Variants in GRSF1 observed in about 807,000 individuals in gnomAD.
GRSF1 encodes the protein G-rich RNA sequence binding factor 1, also known as G-rich sequence factor 1.
In GRSF1, 50 loss-of-function variants were observed where a neutral mutation model predicts 51.1. The ratio of observed to expected loss-of-function variants is 0.98; its 90% CI spans 0.78 to 1.24. The LOEUF (loss-of-function observed/expected upper bound fraction) is 1.24. GRSF1 is among the 50% of genes most tolerant of loss of function. The pLI, the probability that GRSF1 is intolerant of heterozygous loss-of-function variation, is 0.00. For missense variants in GRSF1, 700 were observed against 639.7 expected (o/e 1.09, Z -1.02); for synonymous variants, 293 against 253.3 (o/e 1.16, Z -1.49).
chr4:70,839,931 T>C, upstream of GRSF1: 3 of 847,938 alleles, frequency 3.5e-6, no homozygotes, highest in Non-Finnish European at 3.2e-6. Flanking sequence ...GCCTGGCACA[T>C]GCGCCGCGGG....
chr4:70,826,496 G>GA (rs200134930), intron 6 of GRSF1, among the ~76,000 whole-genome samples: 1,617 of 149,250 alleles, frequency 0.011, 26 homozygotes, highest in African/African-American at 0.038. Flanking sequence ...AAATGATTAT[G>GA]AATTAAACCC....
intron 9 of GRSF1, among the ~76,000 whole-genome samples, chr4:70,821,568 T>A (rs1733504157): frequency 7.2e-6 from 1 of 139,796 alleles, no homozygotes; most frequent in Non-Finnish European, 1.5e-5. Flanking sequence ...ATCACACCAC[T>A]GCACTCCAGC....
chr4:70,826,287 T>C lies in GRSF1; in HGVS notation c.1136-42A>G, dbSNP rs191417606. ...AAAGCACTGTTAAAACATAACAGCTTCAAGGGTTATTAACAGATTCTAATT... is the reference window on the plus strand; with the variant it reads ...AAAGCACTGTTAAAACATAACAGCTCCAAGGGTTATTAACAGATTCTAATT... On this transcript the variant is annotated intron_variant, in intron 6 of 9. Coordinates refer to ENST00000254799, the MANE Select transcript of GRSF1 (RefSeq NM_002092.4). 3,034 of 1,534,540 alleles carry C rather than the reference T, an allele frequency of 2.0e-3. 6 individuals carry two copies. Among genetic ancestry groups the C allele is most frequent in the Non-Finnish European group, 2.5e-3 (2,820 of 1,132,344 alleles).
chr4:70,831,309 C>A (rs528070965), intron 5 of GRSF1, among the ~76,000 whole-genome samples: 1 of 151,010 alleles, frequency 6.6e-6, no homozygotes, highest in Non-Finnish European at 1.5e-5. Flanking sequence ...GAGCCAAGAT[C>A]GTGCCATTGC....
Position 70,836,328 on chromosome 4 carries a change from TGAA to T in GRSF1, c.358-17_358-15del, listed in dbSNP as rs777725385. The stretch of plus-strand genomic sequence containing the variant: ...AGTTTTGGACTCCTTCCAAAGGAAA[TGAA>T]GAATTGTAAAAAGAGTTGCATTTAC... On this transcript the variant is annotated splice_polypyrimidine_tract_variant and intron_variant, in intron 1 of 9. Coordinates refer to ENST00000254799, the MANE Select transcript of GRSF1 (RefSeq NM_002092.4). 2.6e-6 allele frequency: 4 copies of T among 1,529,718 alleles called. No individual in the cohort carries two copies. Among genetic ancestry groups the T allele is most frequent in the Middle Eastern group, 1.7e-4 (1 of 5,720 alleles). 94.8% of individuals were successfully genotyped at this position (1,529,718 alleles called of 1,614,324 possible). A position where few individuals can be genotyped will look rare whatever the true frequency, so the allele number is the denominator to read the frequency against.
chr4:70,835,165 C>T (rs1002356613), intron 2 of GRSF1, among the ~76,000 whole-genome samples: 4 of 151,552 alleles, frequency 2.6e-5, no homozygotes, highest in Non-Finnish European at 4.4e-5. Context: ...TCATACCAGC[C>T]GGGCACGGTG....
intron 6 of GRSF1, 101 bp from the exon 7 acceptor site, chr4:70,826,346 T>C (rs544635844): frequency 3.0e-6 from 3 of 1,010,266 alleles, no homozygotes; most frequent in East Asian, 5.3e-5. Context: ...CCTCAATTCC[T>C]CTTAAGAGCA....
upstream of GRSF1, among the ~76,000 whole-genome samples, chr4:70,840,257 G>C (rs986045251): frequency 1.3e-5 from 2 of 152,296 alleles, no homozygotes; most frequent in Admixed American, 6.5e-5. Flanking sequence ...GGCGGGGCCC[G>C]GGGAAGTGGG....
In GRSF1 at chr4:70,827,992, T is replaced by C. The variant is rs376970212; in HGVS notation, c.995A>G (p.His332Arg). ...FPSRRNEVRTHVGSYKGKKIA... is the reference protein window; with the variant it reads ...FPSRRNEVRTRVGSYKGKKIA... ...TTTCTTTCCCTTATAAGAACCGACA[T>C]GTGTTCGAACTTCATTCCTTCTGCT... Residue 332 changes from histidine (H) to arginine (R), a missense_variant, in exon 6 of 10, where the codon CAT becomes CGT. By Grantham distance (29) the His-to-Arg change is conservative. Transcript: ENST00000254799. The C allele has an allele frequency of 2.5e-6, 4 of 1,613,508 alleles. No individual in the cohort carries two copies. The highest frequency in any genetic ancestry group is 2.7e-5 in the African/African-American group (2 of 74,936).
Position 70,826,344 on chromosome 4 carries a change from C to T in GRSF1, c.1136-99G>A, listed in dbSNP as rs1733736757. 3 of 1,027,804 alleles carry T rather than the reference C, an allele frequency of 2.9e-6. No individual in the cohort carries two copies. In the African/African-American group the frequency reaches 4.9e-5, roughly 17 times the overall value. 63.7% of individuals were successfully genotyped at this position (1,027,804 alleles called of 1,614,324 possible). ...GACTTTTATGTCCAAATCCTCAATT[C>T]CTCTTAAGAGCATTAAAAGCCAAAA... On this transcript the variant is annotated intron_variant, in intron 6 of 9. Transcript: ENST00000254799.
At chr4:70,824,930 TG>T (rs1733673293) in intron 8 of GRSF1, among the ~76,000 whole-genome samples, 1 of 152,024 alleles carries the variant, frequency 6.6e-6, no homozygotes, top group Non-Finnish European at 1.5e-5. Context: ...TGGCGAAACC[TG>T]TGTCTACTAA....
chr4:70,830,743 T>C (rs961322495), intron 5 of GRSF1, among the ~76,000 whole-genome samples: 2 of 148,238 alleles, frequency 1.3e-5, no homozygotes, highest in Non-Finnish European at 3.0e-5. Flanking sequence ...CACATGAAAC[T>C]GGGAGGCAGA....
Position 70,816,921 on chromosome 4 carries a change from T to C in GRSF1, c.*3966A>G, listed in dbSNP as rs1475535726. ...GTATTGGCATCACCAAGATTTTATA[T>C]ACTGACAGAAAATGATCTTTAGGGT... On this transcript the variant is annotated 3_prime_UTR_variant, in exon 10 of 10. Transcript: ENST00000254799. 1 of 152,186 alleles carries C rather than the reference T, an allele frequency of 6.6e-6. No homozygotes were observed. The highest frequency in any genetic ancestry group is 1.5e-5 in the Non-Finnish European group (1 of 68,040). 9.4% of individuals were successfully genotyped at this position (152,186 alleles called of 1,614,324 possible).
intron 1 of GRSF1, among the ~76,000 whole-genome samples, chr4:70,837,563 C>CAA (rs11419852): frequency 0.15 from 12,919 of 88,712 alleles, 1,583 homozygotes; most frequent in Middle Eastern, 0.23. Flanking sequence ...GACTCCGTCT[C>CAA]AAAAAAAAAA....
At position 70,839,672 on chromosome 4, in the gene GRSF1, C is replaced by T; in HGVS notation, c.156G>A (p.Leu52=). 1 of 1,417,342 alleles carries T rather than the reference C, an allele frequency of 7.1e-7. No individual in the cohort carries two copies. The highest frequency in any genetic ancestry group is 9.1e-7 in the Non-Finnish European group (1 of 1,095,402). The allele number at this position is 1,417,342 out of a possible 1,614,324, so 87.8% of individuals were successfully genotyped here. Residue 52 remains leucine (L), a synonymous_variant, in exon 1 of 10, where the codon CTG becomes CTA. Transcript: ENST00000254799. ...AGGCAGCGGCCGCGGCGGCCCCGAGCAGCAGCAGCAGGCGGCGGCGGCCCG... is the reference window on the plus strand; with the variant it reads ...AGGCAGCGGCCGCGGCGGCCCCGAGTAGCAGCAGCAGGCGGCGGCGGCCCG... ...GVSGRRRLLL[L]LGAAAAAASQ...
chr4:70,831,671 A>G lies in GRSF1; in HGVS notation c.818T>C (p.Leu273Pro), dbSNP rs542487328. 2.5e-6 allele frequency: 4 copies of G among 1,612,176 alleles called. No homozygotes were observed. In the African/African-American group the frequency reaches 5.3e-5, roughly 22 times the overall value. The change falls in exon 5 of 10, where the codon CTG becomes CCG. Residue 273 changes from leucine (L) to proline (P), a missense_variant. Leu to Pro is a moderately conservative substitution (Grantham distance 98). Coordinates refer to ENST00000254799, the MANE Select transcript of GRSF1 (RefSeq NM_002092.4). ...CACAAAAGTAATGTCAACTATATTC[A>G]GTCCTAGGACACCAAGAGATTTTAA... ...EKDIVDFFAG[L>P]NIVDITFVMD...
rs938926207 is a variant in GRSF1 at position 70,820,745 on chromosome 4, T to C, written c.*142A>G. The C allele has an allele frequency of 2.0e-5, 3 of 152,684 alleles. No homozygotes were observed. The highest frequency in any genetic ancestry group is 7.2e-5 in the African/African-American group (3 of 41,468). The allele number at this position is 152,684 out of a possible 1,614,324, so 9.5% of individuals were successfully genotyped here. On this transcript the variant is annotated 3_prime_UTR_variant, in exon 10 of 10. Coordinates refer to ENST00000254799, the MANE Select transcript of GRSF1 (RefSeq NM_002092.4). ...AAACAGTCCACTATGAAACTTTTCTTAGAAGCAATTAACCCAAAACACCAA... is the reference window on the plus strand; with the variant it reads ...AAACAGTCCACTATGAAACTTTTCTCAGAAGCAATTAACCCAAAACACCAA...
At chr4:70,840,077 T>C (rs1281201087), upstream of GRSF1, 130 of 351,862 alleles carry the variant, frequency 3.7e-4, 2 homozygotes, top group South Asian at 5.2e-3. Context: ...GCCCATGGTT[T>C]GGGCGGGGCT....
rs1184124474 is a variant in GRSF1 at position 70,836,570 on chromosome 4, T to C, written c.358-256A>G. The stretch of plus-strand genomic sequence containing the variant: ...TGTTTTAAAATTCATCAACCCCAAA[T>C]TATAGCTAACAATAGTGTAGTTAAG... On this transcript the variant is annotated intron_variant, in intron 1 of 9. Coordinates refer to ENST00000254799, the MANE Select transcript of GRSF1 (RefSeq NM_002092.4). 2.6e-5 allele frequency among the ~76,000 whole-genome samples: 4 copies of C among 152,318 alleles called. No homozygotes were observed. In the East Asian group the frequency reaches 5.8e-4, roughly 22 times the overall value.
Sources: gnomAD v4.1 joint callset for allele counts (sites outside exome capture counted in the v4.1 genomes callset) on GRCh38, gnomAD v4.1.1 for gene constraint, MANE v1.5 for transcripts, NCBI Gene and HGNC (gene_info 2026-07-23, HGNC 2026-07-21) for gene names.